The following SLC8A2 variants were observed in gnomAD, a reference collection of about 807,000 sequenced individuals.
SLC8A2 encodes the protein sodium/calcium exchanger 2.
A neutral mutation model predicts 70.2 loss-of-function variants in SLC8A2; 14 were observed. That is an observed-to-expected ratio of 0.20 (90% confidence interval 0.13 to 0.31). SLC8A2 has a LOEUF of 0.31. Among genes scored for constraint, SLC8A2 ranks in the 10% least tolerant of loss-of-function variants. The pLI, the probability that SLC8A2 is intolerant of heterozygous loss-of-function variation, is 1.00. For synonymous variants in SLC8A2, 575 were observed against 594.3 expected, an observed-to-expected ratio of 0.97 and a Z score of 0.47; for missense variants, 779 against 1,320.1, an observed-to-expected ratio of 0.59 and a Z score of 6.35.
intron 8 of SLC8A2, 136 bp downstream of exon 8, chr19:47,437,326 G>A: frequency 1.5e-6 from 1 of 655,128 alleles, no homozygotes. Flanking sequence ...CCCTCCCAAA[G>A]CGCCAGGATT....
intron 3 of SLC8A2, among the ~76,000 whole-genome samples, chr19:47,452,787 CT>C (rs1568444726): frequency 6.6e-6 from 1 of 152,096 alleles, no homozygotes. Flanking sequence ...AATCCCGGCA[CT>C]TTGGGAGGCC....
intron 3 of SLC8A2, among the ~76,000 whole-genome samples, chr19:47,449,938 A>T (rs935918810): frequency 1.3e-5 from 2 of 152,204 alleles, no homozygotes; most frequent in South Asian, 4.2e-4. Flanking sequence ...GTGTTAAAAG[A>T]GTAACAGTTG....
At chr19:47,452,050 T>C (rs532074898) in intron 3 of SLC8A2, among the ~76,000 whole-genome samples, 35 of 152,170 alleles carry the variant, frequency 2.3e-4, no homozygotes, top group African/African-American at 7.2e-4. Flanking sequence ...TCAATTGACG[T>C]TGAGTTAACA....
intron 6 of SLC8A2, among the ~76,000 whole-genome samples, chr19:47,439,764 A>G (rs1967077989): frequency 6.6e-6 from 1 of 151,904 alleles, no homozygotes; most frequent in African/African-American, 2.4e-5. Context: ...TCCAGGATCA[A>G]GTGATTCTCC....
chr19:47,433,564 G>T (rs1437535288), intron 8 of SLC8A2, among the ~76,000 whole-genome samples: 1 of 152,134 alleles, frequency 6.6e-6, no homozygotes, highest in African/African-American at 2.4e-5. Context: ...GGTTACAGAT[G>T]TGTTTTCTGA....
intron 3 of SLC8A2, among the ~76,000 whole-genome samples, chr19:47,450,644 G>A (rs1376619581): frequency 1.3e-5 from 2 of 152,146 alleles, no homozygotes; most frequent in Non-Finnish European, 2.9e-5. Context: ...TGCAGTGGAG[G>A]GATGAGGGAG....
intron 1 of SLC8A2, among the ~76,000 whole-genome samples, chr19:47,470,691 C>T (rs1311331842): frequency 1.3e-5 from 2 of 152,278 alleles, no homozygotes; most frequent in South Asian, 2.1e-4. Context: ...GGAAGTGAGA[C>T]GGCAGGAAGG....
chr19:47,456,482 G>T (rs1333435132), intron 3 of SLC8A2, among the ~76,000 whole-genome samples: 1 of 152,168 alleles, frequency 6.6e-6, no homozygotes, highest in Non-Finnish European at 1.5e-5. Flanking sequence ...TGGCCAACGT[G>T]GTGAAACCCC....
At chr19:47,457,622 C>A (rs1315003492) in intron 2 of SLC8A2, 28 bp from the exon 3 acceptor site, 6 of 1,452,986 alleles carry the variant, frequency 4.1e-6, no homozygotes, top group Non-Finnish European at 4.6e-6. Flanking sequence ...CAGGGCGAGG[C>A]CGGGCGGGCC....
At chr19:47,441,531 T>C (rs1386594749) in intron 4 of SLC8A2, 91 bp from the exon 5 acceptor site, 6 of 697,176 alleles carry the variant, frequency 8.6e-6, no homozygotes, top group Non-Finnish European at 1.5e-5. Flanking sequence ...CACCCAGTTT[T>C]CCAAGCACCT....
chr19:47,452,286 C>A (rs1967243594), intron 3 of SLC8A2, among the ~76,000 whole-genome samples: 1 of 151,964 alleles, frequency 6.6e-6, no homozygotes, highest in Non-Finnish European at 1.5e-5. Context: ...ACAATCTTGG[C>A]TCACTGCAAC....
At chr19:47,441,903 A>T (rs1047976037) in intron 4 of SLC8A2, among the ~76,000 whole-genome samples, 1 of 152,184 alleles carries the variant, frequency 6.6e-6, no homozygotes, top group African/African-American at 2.4e-5. Flanking sequence ...AGAGATTGAG[A>T]CCATCCTGTC....
intron 4 of SLC8A2, among the ~76,000 whole-genome samples, chr19:47,443,474 G>A (rs1444736580): frequency 1.3e-5 from 2 of 152,056 alleles, no homozygotes; most frequent in Non-Finnish European, 2.9e-5. Flanking sequence ...CAAACACCCA[G>A]CCCACACAGT....
intron 2 of SLC8A2, among the ~76,000 whole-genome samples, chr19:47,459,568 A>G (rs1568446736): frequency 6.7e-6 from 1 of 148,882 alleles, no homozygotes; most frequent in Non-Finnish European, 1.5e-5. Context: ...GCATGTGTAT[A>G]TGTGTATGTG....
At chr19:47,460,294 C>G (rs1056495102) in intron 2 of SLC8A2, among the ~76,000 whole-genome samples, 1 of 152,236 alleles carries the variant, frequency 6.6e-6, no homozygotes, top group Non-Finnish European at 1.5e-5. Flanking sequence ...ATGGCTGTCT[C>G]ATCTCTTGGT....
intron 2 of SLC8A2, among the ~76,000 whole-genome samples, chr19:47,464,757 A>G (rs943848616): frequency 6.6e-6 from 1 of 152,262 alleles, no homozygotes; most frequent in Non-Finnish European, 1.5e-5. Context: ...ACACCTGCAA[A>G]TAAATTATGC....
At chr19:47,434,935 A>C (rs1250166828) in intron 8 of SLC8A2, among the ~76,000 whole-genome samples, 2 of 152,196 alleles carry the variant, frequency 1.3e-5, no homozygotes, top group Non-Finnish European at 2.9e-5. Flanking sequence ...TCAGCTGGGC[A>C]CAGTAGCTTA....
intron 3 of SLC8A2, among the ~76,000 whole-genome samples, chr19:47,451,005 C>CTTTT (rs71180844): frequency 2.2e-4 from 18 of 80,226 alleles, no homozygotes; most frequent in South Asian, 4.4e-4. Flanking sequence ...GTAGCACTAT[C>CTTTT]TTTTTTTTTT....
In SLC8A2 at chr19:47,469,284, C is replaced by A. The variant is rs549074093; in HGVS notation, c.-17+2505G>T. On this transcript the variant is annotated intron_variant, in intron 1 of 9. Coordinates refer to ENST00000236877, the MANE Select transcript of SLC8A2 (RefSeq NM_015063.3). ...CAACAACTTAGGCATAATTACAAAC[C>A]CACCAGGATCCAAAGCAAAGGCTCA... 1.7e-4 allele frequency among the ~76,000 whole-genome samples: 26 copies of A among 152,246 alleles called. No individual in the cohort carries two copies. The East Asian group carries it at 4.6e-3, about 27-fold the overall frequency.
Sources: allele counts gnomAD v4.1 joint callset (sites outside exome capture counted in the v4.1 genomes callset), GRCh38; gene constraint gnomAD v4.1.1; transcripts MANE v1.5; gene names NCBI Gene and HGNC (gene_info 2026-07-23, HGNC 2026-07-21).